Variants in MED13L observed in about 807,000 individuals in gnomAD.
MED13L encodes the protein mediator of RNA polymerase II transcription subunit 13-like.
In MED13L, 7 loss-of-function variants were observed where a neutral mutation model predicts 220.9. That is an observed-to-expected ratio of 0.03 (90% CI 0.02 to 0.06). The LOEUF (loss-of-function observed/expected upper bound fraction) is 0.06, where lower values mean the gene tolerates loss of function less well. Among genes scored for constraint, MED13L ranks in the 10% least tolerant of loss-of-function variants. The pLI is 1.00. For synonymous variants in MED13L, 1,011 were observed against 1,015.2 expected, an observed-to-expected ratio of 1.00 and a Z score of 0.08; for missense variants, 1,965 against 2,760.5, an observed-to-expected ratio of 0.71 and a Z score of 6.46.
In MED13L at chr12:116,102,710, CTTTTTTTTTTTTTT is replaced by C. The variant is rs869201518; in HGVS notation, c.396-5972_396-5959del. Among the ~76,000 whole-genome samples the C allele has an allele frequency of 1.6e-4, 11 of 68,680 alleles. No individual in the cohort carries two copies. The South Asian group carries it at 1.7e-3, about 11-fold the overall frequency. The allele number at this position is 68,680 out of a possible 152,430, so 45.1% of individuals were successfully genotyped here. A position where few individuals can be genotyped will look rare whatever the true frequency, so the allele number is the denominator to read the frequency against. ...TATTTTCTTTTTCTTTTTCTTTTTT[CTTTTTTTTTTTTTT>C]TTTTTTTTTTTTTTTGATACGGAGT... On this transcript the variant is annotated intron_variant, in intron 3 of 30. Coordinates refer to ENST00000281928, the MANE Select transcript of MED13L (RefSeq NM_015335.5).
intron 2 of MED13L, chr12:116,236,932 A>T: frequency 1.1e-6 from 1 of 934,730 alleles, no homozygotes; most frequent in Non-Finnish European, 1.3e-6. Flanking sequence ...ATAAAAGCAA[A>T]AGAAAATTTG....
intron 1 of MED13L, among the ~76,000 whole-genome samples, chr12:116,276,189 C>G (rs1448824081): frequency 2.0e-5 from 3 of 152,052 alleles, no homozygotes; most frequent in African/African-American, 7.3e-5. Context: ...CTAACTGCTT[C>G]AAGATTAAGG....
intron 2 of MED13L, among the ~76,000 whole-genome samples, chr12:116,125,073 T>A (rs921191586): frequency 6.6e-6 from 1 of 152,192 alleles, no homozygotes; most frequent in Non-Finnish European, 1.5e-5. Flanking sequence ...ATAAAACAAT[T>A]TGCACATGTG....
intron 25 of MED13L, among the ~76,000 whole-genome samples, 162 bp downstream of exon 25, chr12:115,975,009 G>C (rs1876837150): frequency 6.6e-6 from 1 of 152,118 alleles, no homozygotes; most frequent in Admixed American, 6.5e-5. Context: ...TGTTGCCAAA[G>C]AAGAGTTTAA....
chr12:116,100,079 GT>G (rs748177744), intron 3 of MED13L, among the ~76,000 whole-genome samples: 1 of 152,174 alleles, frequency 6.6e-6, no homozygotes, highest in Non-Finnish European at 1.5e-5. Context: ...TTTTTACTCA[GT>G]TTTTTAAGTA....
At chr12:116,271,982 AT>A (rs1873401706) in intron 1 of MED13L, among the ~76,000 whole-genome samples, 1 of 152,186 alleles carries the variant, frequency 6.6e-6, no homozygotes, top group Non-Finnish European at 1.5e-5. Context: ...ATTTTCTTCA[AT>A]CAAAAATAAG....
Position 115,985,719 on chromosome 12 carries a change from T to C in MED13L, c.4338+547A>G, listed in dbSNP as rs529642158. Among the ~76,000 whole-genome samples the C allele has an allele frequency of 1.8e-4, 27 of 152,334 alleles. No individual in the cohort carries two copies. The South Asian group carries it at 5.6e-3, about 32-fold the overall frequency. ...TAAAATTATCTGCCTGGTTTTTACA[T>C]TATTATAGGAATTATATTTTTAATC... On this transcript the variant is annotated intron_variant, in intron 19 of 30. Coordinates refer to ENST00000281928, the MANE Select transcript of MED13L (RefSeq NM_015335.5).
intron 4 of MED13L, among the ~76,000 whole-genome samples, chr12:116,046,085 T>C (rs1881815265): frequency 6.6e-6 from 1 of 152,150 alleles, no homozygotes; most frequent in Admixed American, 6.5e-5. Flanking sequence ...AGTCTTATCA[T>C]TCTCTAACTA....
intron 3 of MED13L, among the ~76,000 whole-genome samples, chr12:116,102,938 G>C (rs903701907): frequency 4.0e-5 from 6 of 151,650 alleles, no homozygotes; most frequent in Non-Finnish European, 7.4e-5. Flanking sequence ...GGCTGGTCTT[G>C]AACTCCTGAT....
chr12:116,012,053 T>C (rs181485128), intron 9 of MED13L, among the ~76,000 whole-genome samples: 1 of 152,328 alleles, frequency 6.6e-6, no homozygotes, highest in Non-Finnish European at 1.5e-5. Flanking sequence ...AGTATCAAAT[T>C]TGAAAGTGTA....
intron 2 of MED13L, among the ~76,000 whole-genome samples, chr12:116,166,340 G>A (rs550337034): frequency 1.3e-5 from 2 of 152,254 alleles, no homozygotes; most frequent in South Asian, 2.1e-4. Context: ...AATCTGGTGG[G>A]CACAATCTCA....
chr12:116,262,902 G>C (rs1872605039), intron 1 of MED13L, among the ~76,000 whole-genome samples: 1 of 152,110 alleles, frequency 6.6e-6, no homozygotes, highest in African/African-American at 2.4e-5. Flanking sequence ...GTAATTTGTA[G>C]ACAACTAAAG....
intron 4 of MED13L, among the ~76,000 whole-genome samples, chr12:116,029,321 C>A (rs1454277591): frequency 1.3e-5 from 2 of 149,062 alleles, no homozygotes; most frequent in African/African-American, 4.9e-5. Flanking sequence ...TGGTAAAAAA[C>A]CATTAAAAAA....
At chr12:116,003,161 A>C in intron 13 of MED13L, 59 bp from the exon 14 acceptor site, 1 of 1,467,480 alleles carries the variant, frequency 6.8e-7, no homozygotes, top group East Asian at 2.3e-5. Flanking sequence ...GGCAGCATTC[A>C]AATATTTCCT....
chr12:116,054,437 T>G (rs1455224921), intron 4 of MED13L, among the ~76,000 whole-genome samples: 3 of 152,176 alleles, frequency 2.0e-5, no homozygotes, highest in Non-Finnish European at 4.4e-5. Flanking sequence ...TGCCAAAGTT[T>G]CCCACCACTC....
intron 4 of MED13L, 144 bp downstream of exon 4, chr12:116,096,525 T>C (rs1368678902): frequency 5.1e-6 from 3 of 584,830 alleles, no homozygotes; most frequent in East Asian, 3.0e-5. Context: ...TTTAATAATA[T>C]AGTATTTAAG....
chr12:116,039,965 G>GACTGC (rs1881426087), intron 4 of MED13L, among the ~76,000 whole-genome samples: 1 of 152,160 alleles, frequency 6.6e-6, no homozygotes, highest in Admixed American at 6.5e-5. Context: ...GAGTGTGAGA[G>GACTGC]ACTGCAGACG....
At chr12:116,050,083 A>G (rs1407598140) in intron 4 of MED13L, among the ~76,000 whole-genome samples, 2 of 152,222 alleles carry the variant, frequency 1.3e-5, no homozygotes, top group Non-Finnish European at 2.9e-5. Flanking sequence ...TTTTCATTAC[A>G]CTGGCCTGTT....
At chr12:116,086,446 C>T (rs1270770385) in intron 4 of MED13L, among the ~76,000 whole-genome samples, 1 of 152,018 alleles carries the variant, frequency 6.6e-6, no homozygotes, top group Non-Finnish European at 1.5e-5. Flanking sequence ...CCACGCCCAG[C>T]TAATTTTGTA....
Sources: allele counts gnomAD v4.1 joint callset (sites outside exome capture counted in the v4.1 genomes callset), GRCh38; gene constraint gnomAD v4.1.1; transcripts MANE v1.5; gene names NCBI Gene and HGNC (gene_info 2026-07-23, HGNC 2026-07-21).